DCAF4: variants seen among roughly 807,000 people sequenced by gnomAD.
DCAF4 encodes DDB1- and CUL4-associated factor 4.
A neutral mutation model predicts 60.9 loss-of-function variants in DCAF4; 37 were observed. The ratio of observed to expected loss-of-function variants is 0.61; its 90% CI spans 0.47 to 0.80. The LOEUF (loss-of-function observed/expected upper bound fraction) is 0.80. Among genes scored for constraint, DCAF4 ranks in the 30% least tolerant of loss-of-function variants. The probability of loss-of-function intolerance (pLI) is 0.00; values close to 1 mark genes in which losing one functional copy is unlikely to be tolerated. For synonymous variants in DCAF4, 243 were observed against 254.8 expected, an observed-to-expected ratio of 0.95 and a Z score of 0.44; for missense variants, 577 against 650.0, an observed-to-expected ratio of 0.89 and a Z score of 1.22.
At chr14:72,947,483 G>T (rs1169042361) in intron 8 of DCAF4, among the ~76,000 whole-genome samples, 1 of 152,232 alleles carries the variant, frequency 6.6e-6, no homozygotes. Context: ...GAGACAGAAT[G>T]GGAACTCAGG....
At chr14:72,926,813 C>G (rs1332788718) in intron 1 of DCAF4, 1 of 152,330 alleles carries the variant, frequency 6.6e-6, no homozygotes, top group African/African-American at 2.4e-5. Context: ...CCCCGAGTGT[C>G]GCCGCTGAGG....
chr14:72,942,984 GTT>G lies in DCAF4; in HGVS notation c.432-8_432-7del. On this transcript the variant is annotated splice_polypyrimidine_tract_variant and splice_region_variant and intron_variant, in intron 5 of 13. Transcript: ENST00000358377. The stretch of plus-strand genomic sequence containing the variant: ...TTCAGCATCCATGCCCCCACCCTCT[GTT>G]TCTGCAGTTTAGCCCACGAGCTGCG... The G allele has an allele frequency of 6.2e-7, 1 of 1,613,824 alleles. No individual in the cohort carries two copies. Among genetic ancestry groups the G allele is most frequent in the Non-Finnish European group, 8.5e-7 (1 of 1,179,828 alleles).
chr14:72,942,034 T>C (rs1890115334), intron 5 of DCAF4: 1 of 516,618 alleles, frequency 1.9e-6, no homozygotes, highest in Non-Finnish European at 3.4e-6. Context: ...GGGGGACTCT[T>C]GCAGGAGGAT....
chr14:72,955,390 C>T lies in DCAF4; in HGVS notation c.1006-133C>T, dbSNP rs1301647631. 4 of 1,089,672 alleles carry T rather than the reference C, an allele frequency of 3.7e-6. No individual in the cohort carries two copies. The African/African-American group carries it at 6.3e-5, about 17-fold the overall frequency. 67.5% of individuals were successfully genotyped at this position (1,089,672 alleles called of 1,614,324 possible). ...CTTCCAACTCCATTGAGACCCAAAC[C>T]CTGACCAGCACGTGTCTAATCACAC... On this transcript the variant is annotated intron_variant, in intron 11 of 13. Coordinates refer to ENST00000358377, the MANE Select transcript of DCAF4 (RefSeq NM_015604.4).
chr14:72,956,571 A>G (rs1181965308), intron 13 of DCAF4, 71 bp downstream of exon 13: 1 of 1,457,822 alleles, frequency 6.9e-7, no homozygotes, highest in East Asian at 2.5e-5. Context: ...CAGCAACTTC[A>G]GCAGCAGAGG....
intron 8 of DCAF4, among the ~76,000 whole-genome samples, chr14:72,948,955 T>C (rs148135460): frequency 6.6e-6 from 1 of 152,368 alleles, no homozygotes; most frequent in East Asian, 1.9e-4. Context: ...ATAAATAAGC[T>C]GAGATTCAGC....
chr14:72,955,914 C>CTTTTTTTTTTTTTTTTTTTTTT (rs71109770), intron 12 of DCAF4, among the ~76,000 whole-genome samples: 2 of 54,726 alleles, frequency 3.7e-5, no homozygotes, highest in African/African-American at 1.4e-4. Context: ...TGGTTATGTC[C>CTTTTTTTTTTTTTTTTTTTTTT]TTTTTTTTTT....
At chr14:72,949,801 G>T (rs1891189392) in intron 8 of DCAF4, among the ~76,000 whole-genome samples, 1 of 152,176 alleles carries the variant, frequency 6.6e-6, no homozygotes, top group South Asian at 2.1e-4. Context: ...ATTTTTAAAA[G>T]TTACATGATT....
chr14:72,926,916 C>T (rs1165910527), intron 1 of DCAF4: 1 of 152,540 alleles, frequency 6.6e-6, no homozygotes, highest in Non-Finnish European at 1.5e-5. Context: ...GCGGTGTCCC[C>T]TGTGAATGTT....
In DCAF4 at chr14:72,947,202, G is replaced by T. The variant is rs770044367; in HGVS notation, c.728+11G>T. The T allele has an allele frequency of 1.9e-6, 3 of 1,613,954 alleles. No homozygotes were observed. In the South Asian group the frequency reaches 3.3e-5, roughly 18 times the overall value. On this transcript the variant is annotated intron_variant, in intron 8 of 13. Coordinates refer to ENST00000358377, the MANE Select transcript of DCAF4 (RefSeq NM_015604.4). ...GGATTCCCACATTCTGTATCCTTTGGCAGAGGAAGAGGTTTGGTGGGCAGG... is the reference window on the plus strand; with the variant it reads ...GGATTCCCACATTCTGTATCCTTTGTCAGAGGAAGAGGTTTGGTGGGCAGG...
At position 72,953,780 on chromosome 14, in the gene DCAF4, ATTTG is replaced by A. The variant is rs1427006704; in HGVS notation, c.809-382_809-379del. Among the ~76,000 whole-genome samples, 75 of 13,366 alleles carry A rather than the reference ATTTG, an allele frequency of 5.6e-3. 3 individuals carry two copies. Among genetic ancestry groups the A allele is most frequent in the African/African-American group, 0.015 (74 of 5,040 alleles). 8.8% of individuals were successfully genotyped at this position (13,366 alleles called of 152,430 possible). ...ATATATATAGTTTATTTATTTATTT[ATTTG>A]TGTGTGTGTGTGTGTGTGTGTGTGT... On this transcript the variant is annotated intron_variant, in intron 9 of 13. Transcript: ENST00000358377.
chr14:72,946,160 T>C, intron 7 of DCAF4, 133 bp downstream of exon 7: 2 of 1,196,160 alleles, frequency 1.7e-6, no homozygotes, highest in South Asian at 1.5e-5. Flanking sequence ...ACTTGATTTT[T>C]TACTTGAGCC....
chr14:72,960,698 C>T, downstream of DCAF4: 1 of 1,064,068 alleles, frequency 9.4e-7, no homozygotes. Context: ...TGGGCAGAGA[C>T]AGGCAAGTGC....
At chr14:72,929,630 G>A (rs1463330939) in intron 1 of DCAF4, 2 of 1,241,780 alleles carry the variant, frequency 1.6e-6, no homozygotes, top group East Asian at 4.8e-5. Context: ...TCTTGGCAGC[G>A]GCTTTCCTCA....
chr14:72,941,741 A>G lies in DCAF4; in HGVS notation c.352-4A>G. 6.2e-7 allele frequency: 1 copy of G among 1,612,978 alleles called. No individual in the cohort carries two copies. ...AATTGTTCTCTTTTTTGTAATAAAT[A>G]TAGATTGCCAGGATGGGATTTAATG... On this transcript the variant is annotated splice_region_variant and splice_polypyrimidine_tract_variant and intron_variant, in intron 4 of 13. Coordinates refer to ENST00000358377, the MANE Select transcript of DCAF4 (RefSeq NM_015604.4).
chr14:72,933,698 C>T (rs543517971), intron 1 of DCAF4, among the ~76,000 whole-genome samples: 66 of 152,260 alleles, frequency 4.3e-4, no homozygotes, highest in African/African-American at 1.6e-3. Context: ...TTCTCAGACC[C>T]GTATTTCCCA....
chr14:72,947,562 C>G (rs1298871767), intron 8 of DCAF4, among the ~76,000 whole-genome samples: 4 of 152,244 alleles, frequency 2.6e-5, no homozygotes, highest in Non-Finnish European at 1.5e-5. Context: ...GTTCACTACA[C>G]AGACCCAGTA....
At chr14:72,932,624 C>A (rs1442272136) in intron 1 of DCAF4, among the ~76,000 whole-genome samples, 1 of 152,218 alleles carries the variant, frequency 6.6e-6, no homozygotes, top group Non-Finnish European at 1.5e-5. Flanking sequence ...ATTTTAACAT[C>A]TAGAGCAGCT....
intron 7 of DCAF4, 100 bp from the exon 8 acceptor site, chr14:72,947,042 T>A: frequency 6.8e-7 from 1 of 1,480,676 alleles, no homozygotes; most frequent in East Asian, 2.3e-5. Flanking sequence ...GAGCAGGACG[T>A]GAAGAGAGAA....
Sources: allele counts gnomAD v4.1 joint callset (sites outside exome capture counted in the v4.1 genomes callset), GRCh38; gene constraint gnomAD v4.1.1; transcripts MANE v1.5; gene names NCBI Gene and HGNC (gene_info 2026-07-23, HGNC 2026-07-21).